DAW1: variants seen among roughly 807,000 people sequenced by gnomAD.
DAW1 encodes dynein assembly factor with WD repeats 1.
In DAW1, 47 loss-of-function variants were observed where a neutral mutation model predicts 56.5. The ratio of observed to expected loss-of-function variants is 0.83; its 90% CI spans 0.66 to 1.06. DAW1 has a LOEUF of 1.06. Ranked by LOEUF, DAW1 falls within the 50% of genes least tolerant of loss-of-function variation. DAW1 has a pLI of 0.00. For synonymous variants in DAW1, 190 were observed against 179.0 expected (o/e 1.06, Z -0.49); for missense variants, 505 against 499.3 (o/e 1.01, Z -0.11).
chr2:227,871,945 T>C (rs990538130), intron 1 of DAW1, among the ~76,000 whole-genome samples: 1 of 152,248 alleles, frequency 6.6e-6, no homozygotes, highest in Non-Finnish European at 1.5e-5. Context: ...TTAAAGAGTT[T>C]AGCTTGACTG....
Position 227,891,328 on chromosome 2 carries a change from T to C in DAW1, c.317+15T>C, listed in dbSNP as rs1438223505. ...TCGGGCTCATGGTAAGATTCTCTTT[T>C]TATGTCTAATTTTTAGCAGTGAAAC... On this transcript the variant is annotated intron_variant, in intron 4 of 12. Transcript: ENST00000309931. 32 of 1,609,706 alleles carry C rather than the reference T, an allele frequency of 2.0e-5. No individual in the cohort carries two copies. The highest frequency in any genetic ancestry group is 2.6e-5 in the Non-Finnish European group (31 of 1,176,596).
At chr2:227,894,492 T>C (rs2106197668) in intron 5 of DAW1, among the ~76,000 whole-genome samples, 1 of 152,286 alleles carries the variant, frequency 6.6e-6, no homozygotes, top group East Asian at 1.9e-4. Flanking sequence ...GAGTTCGTGC[T>C]CAGGCAAGAC....
At chr2:227,878,358 A>G (rs900746488) in intron 1 of DAW1, among the ~76,000 whole-genome samples, 6 of 152,326 alleles carry the variant, frequency 3.9e-5, no homozygotes, top group Non-Finnish European at 5.9e-5. Context: ...TTGTATGTTT[A>G]AAGTATGTAT....
chr2:227,874,307 T>G (rs1690824879), intron 1 of DAW1, among the ~76,000 whole-genome samples: 1 of 152,238 alleles, frequency 6.6e-6, no homozygotes, highest in Middle Eastern at 3.2e-3. Flanking sequence ...ACAGGTCTAC[T>G]AGACCCTTCC....
intron 12 of DAW1, among the ~76,000 whole-genome samples, chr2:227,923,502 C>A (rs1269230666): frequency 2.6e-5 from 4 of 152,124 alleles, no homozygotes; most frequent in Admixed American, 6.5e-5. Context: ...ATGAGAAAAA[C>A]CCCCTAAAAT....
At chr2:227,897,886 A>G (rs1410231709) in intron 5 of DAW1, among the ~76,000 whole-genome samples, 2 of 152,110 alleles carry the variant, frequency 1.3e-5, no homozygotes, top group Non-Finnish European at 2.9e-5. Flanking sequence ...TTTAATTTGT[A>G]AGTAATTTTC....
intron 2 of DAW1, among the ~76,000 whole-genome samples, chr2:227,886,077 C>G (rs987698769): frequency 2.0e-5 from 3 of 149,900 alleles, no homozygotes; most frequent in African/African-American, 7.4e-5. Flanking sequence ...TGAGTTCAAG[C>G]GATTCTCTGT....
intron 10 of DAW1, among the ~76,000 whole-genome samples, chr2:227,907,481 A>G (rs968766192): frequency 1.3e-5 from 2 of 152,182 alleles, no homozygotes; most frequent in African/African-American, 4.8e-5. Context: ...AACGAGGTAT[A>G]TGAGGTCTTT....
At chr2:227,874,811 C>G (rs980062539) in intron 1 of DAW1, among the ~76,000 whole-genome samples, 2 of 151,626 alleles carry the variant, frequency 1.3e-5, no homozygotes, top group Non-Finnish European at 2.9e-5. Context: ...AAATACAAAA[C>G]AATTAGCCAG....
chr2:227,913,438 C>A (rs1691876445), intron 10 of DAW1, among the ~76,000 whole-genome samples: 1 of 152,082 alleles, frequency 6.6e-6, no homozygotes. Context: ...ACAGATAATG[C>A]TTTTCTCCTT....
In DAW1 at chr2:227,906,295, A is replaced by G; in HGVS notation, c.815A>G (p.Asp272Gly). 1 of 1,613,346 alleles carries G rather than the reference A, an allele frequency of 6.2e-7. No homozygotes were observed. The highest frequency in any genetic ancestry group is 1.1e-5 in the South Asian group (1 of 90,974). The change falls in exon 9 of 13, where the codon GAT becomes GGT. Residue 272 changes from aspartate to glycine, a missense_variant. Physicochemically the swap from Asp to Gly is moderately conservative, Grantham distance 94. Coordinates refer to ENST00000309931, the MANE Select transcript of DAW1 (RefSeq NM_178821.3). ...ATTAGCAGTGCCTCATTCAATTGGG[A>G]TTGCTCTCTAATATTAACTGGCTCT... ...AEISSASFNW[D>G]CSLILTGSMD... is the part of the protein sequence containing the mutation.
chr2:227,880,713 G>C (rs991772619), intron 1 of DAW1, among the ~76,000 whole-genome samples: 2 of 152,176 alleles, frequency 1.3e-5, no homozygotes, highest in Non-Finnish European at 2.9e-5. Flanking sequence ...CAGCAAGACA[G>C]GGTTGAGAAA....
At position 227,921,398 on chromosome 2, in the gene DAW1, G is replaced by A; in HGVS notation, c.1051-1G>A. 7.3e-7 allele frequency: 1 copy of A among 1,361,064 alleles called. No individual in the cohort carries two copies. Among genetic ancestry groups the A allele is most frequent in the Non-Finnish European group, 9.7e-7 (1 of 1,032,786 alleles). 84.3% of individuals were successfully genotyped at this position (1,361,064 alleles called of 1,614,324 possible). ...TGATCATTTTTCTTTCTCTTTTGCA[G>A]ATTTCTTTCAACCCTCAAGGGAACC... On this transcript the variant is annotated splice_acceptor_variant, in intron 11 of 12. Coordinates refer to ENST00000309931, the MANE Select transcript of DAW1 (RefSeq NM_178821.3). LOFTEE classifies it high-confidence loss of function.
intron 9 of DAW1, 127 bp downstream of exon 9, chr2:227,906,465 A>T (rs777381648): frequency 3.9e-5 from 28 of 717,622 alleles, no homozygotes; most frequent in Non-Finnish European, 4.3e-5. Flanking sequence ...TACAAAAAAT[A>T]GTTGGTAATT....
intron 12 of DAW1, 40 bp from the exon 13 acceptor site, chr2:227,923,894 A>C: frequency 6.2e-7 from 1 of 1,610,166 alleles, no homozygotes; most frequent in Non-Finnish European, 8.5e-7. Flanking sequence ...AGGTGAATGA[A>C]ATGAAGAAAA....
At chr2:227,923,638 G>A (rs1692158770) in intron 12 of DAW1, among the ~76,000 whole-genome samples, 1 of 152,122 alleles carries the variant, frequency 6.6e-6, no homozygotes, top group Admixed American at 6.5e-5. Context: ...GGGGATGGCT[G>A]AGGTGGCTGC....
At chr2:227,901,116 T>C (rs1197335925) in intron 6 of DAW1, among the ~76,000 whole-genome samples, 1 of 152,142 alleles carries the variant, frequency 6.6e-6, no homozygotes, top group African/African-American at 2.4e-5. Context: ...TATCAGCCAG[T>C]TGGGGATCTT....
At position 227,890,578 on chromosome 2, in the gene DAW1, T is replaced by G. The variant is rs116940549; in HGVS notation, c.258+578T>G. Among the ~76,000 whole-genome samples the G allele has an allele frequency of 3.3e-4, 50 of 152,350 alleles. No homozygotes were observed. In the East Asian group the frequency reaches 9.1e-3, roughly 28 times the overall value. On this transcript the variant is annotated intron_variant, in intron 3 of 12. Coordinates refer to ENST00000309931, the MANE Select transcript of DAW1 (RefSeq NM_178821.3). Reference sequence around the variant, plus strand: ...TTATCTTTTATGATTTAAATATAATTATGATAGTAACATATAATTATTAGT... The same window carrying G: ...TTATCTTTTATGATTTAAATATAATGATGATAGTAACATATAATTATTAGT...
chr2:227,891,744 G>T (rs1170847423), intron 4 of DAW1, among the ~76,000 whole-genome samples: 1 of 152,184 alleles, frequency 6.6e-6, no homozygotes, highest in East Asian at 1.9e-4. Context: ...AGAGATGAGG[G>T]AGAAGTCTCG....
Sources: gnomAD v4.1 joint callset for allele counts (sites outside exome capture counted in the v4.1 genomes callset) on GRCh38, gnomAD v4.1.1 for gene constraint, MANE v1.5 for transcripts, NCBI Gene and HGNC (gene_info 2026-07-23, HGNC 2026-07-21) for gene names.